Variants in SEPTIN7 observed in about 807,000 individuals in gnomAD.
SEPTIN7 encodes the protein septin 7, also known as septin-7.
Under a neutral mutation model 63.3 loss-of-function variants are expected in SEPTIN7, and 10 were observed. The ratio of observed to expected loss-of-function variants is 0.16; its 90% CI spans 0.10 to 0.27. The LOEUF (loss-of-function observed/expected upper bound fraction) is 0.27. Among genes scored for constraint, SEPTIN7 ranks in the 10% least tolerant of loss-of-function variants. The probability of loss-of-function intolerance (pLI) is 1.00; values close to 1 mark genes in which losing one functional copy is unlikely to be tolerated. For synonymous variants in SEPTIN7, 131 were observed against 165.3 expected, an observed-to-expected ratio of 0.79 and a Z score of 1.59; for missense variants, 310 against 521.0, an observed-to-expected ratio of 0.59 and a Z score of 3.94.
intron 1 of SEPTIN7, among the ~76,000 whole-genome samples, chr7:35,814,941 C>CTCCA (rs1788954637): frequency 7.2e-6 from 1 of 138,560 alleles, no homozygotes; most frequent in Admixed American, 7.6e-5. Flanking sequence ...CGCCACTGCA[C>CTCCA]TCCAGCCTAG....
chr7:35,872,023 C>G (rs1583597158), intron 4 of SEPTIN7, among the ~76,000 whole-genome samples: 1 of 152,142 alleles, frequency 6.6e-6, no homozygotes, highest in Non-Finnish European at 1.5e-5. Flanking sequence ...TACCAGAATA[C>G]ACTTTTTTTT....
chr7:35,837,072 A>G (rs1784119196), intron 3 of SEPTIN7, among the ~76,000 whole-genome samples: 1 of 152,220 alleles, frequency 6.6e-6, no homozygotes, highest in Non-Finnish European at 1.5e-5. Flanking sequence ...ATAATTCCAC[A>G]TGTCCACTAT....
At chr7:35,813,753 C>G (rs1788881943) in intron 1 of SEPTIN7, among the ~76,000 whole-genome samples, 1 of 152,150 alleles carries the variant, frequency 6.6e-6, no homozygotes, top group Non-Finnish European at 1.5e-5. Flanking sequence ...AGGCCCATAT[C>G]AAAACTACCC....
intron 9 of SEPTIN7, among the ~76,000 whole-genome samples, chr7:35,884,388 T>G (rs1181756101): frequency 6.6e-6 from 1 of 152,160 alleles, no homozygotes; most frequent in Admixed American, 6.5e-5. Context: ...ATTCCAAAAT[T>G]CCAAAAAAAT....
intron 1 of SEPTIN7, among the ~76,000 whole-genome samples, chr7:35,824,483 A>G (rs185122468): frequency 6.6e-6 from 1 of 152,274 alleles, no homozygotes; most frequent in Admixed American, 6.5e-5. Flanking sequence ...TAAGATATTC[A>G]TTATCTGTCT....
intron 12 of SEPTIN7, chr7:35,901,802 T>C (rs1652426384): frequency 6.6e-6 from 1 of 152,142 alleles, no homozygotes; most frequent in South Asian, 2.1e-4. Flanking sequence ...TGTGACTCTT[T>C]TCATTTAAAA....
chr7:35,840,684 A>G (rs1328313822), intron 3 of SEPTIN7, among the ~76,000 whole-genome samples: 2 of 152,150 alleles, frequency 1.3e-5, no homozygotes, highest in African/African-American at 2.4e-5. Context: ...TTTGAAGGTT[A>G]GGCTATTCAT....
At chr7:35,890,607 T>C (rs1378084247) in intron 10 of SEPTIN7, 61 bp from the exon 11 acceptor site, 4 of 1,332,052 alleles carry the variant, frequency 3.0e-6, no homozygotes, top group South Asian at 4.8e-5. Context: ...ATTAAAACTT[T>C]TTAAGCTTTT....
chr7:35,838,833 T>G (rs1372366005), intron 3 of SEPTIN7, among the ~76,000 whole-genome samples: 1 of 152,188 alleles, frequency 6.6e-6, no homozygotes, highest in Admixed American at 6.5e-5. Context: ...TTGATCTAAG[T>G]TGTGAGGCAG....
At chr7:35,915,258 C>CATAT in the SEPTIN7 span, among the ~76,000 whole-genome samples, 843 of 151,442 alleles carry the variant, frequency 5.6e-3, 7 homozygotes, top group African/African-American at 0.02. Context: ...CGCTCATACA[C>CATAT]ATATATATAT....
the SEPTIN7 span, among the ~76,000 whole-genome samples, chr7:35,912,869 C>T: frequency 2.2e-4 from 33 of 152,334 alleles, no homozygotes; most frequent in Admixed American, 5.2e-4. Context: ...AATTGCTACA[C>T]GCCAAACACT....
chr7:35,911,762 C>G (rs1203629413), downstream of SEPTIN7, among the ~76,000 whole-genome samples: 1 of 152,150 alleles, frequency 6.6e-6, no homozygotes, highest in African/African-American at 2.4e-5. Context: ...ATTAATAGCT[C>G]TTAGTAAGAT....
intron 3 of SEPTIN7, among the ~76,000 whole-genome samples, chr7:35,852,133 T>G (rs1583564752): frequency 6.6e-6 from 1 of 152,298 alleles, no homozygotes; most frequent in Non-Finnish European, 1.5e-5. Context: ...TTACTGATAT[T>G]CAGGTGTCCA....
chr7:35,821,194 A>G (rs765594678), intron 1 of SEPTIN7, among the ~76,000 whole-genome samples: 1 of 152,224 alleles, frequency 6.6e-6, no homozygotes, highest in Non-Finnish European at 1.5e-5. Flanking sequence ...GTTTTTACCA[A>G]GGCTCAGCCC....
intron 1 of SEPTIN7, among the ~76,000 whole-genome samples, chr7:35,819,738 T>G (rs1184885258): frequency 6.6e-6 from 1 of 152,210 alleles, no homozygotes; most frequent in Non-Finnish European, 1.5e-5. Flanking sequence ...CTGATATTAG[T>G]GTAGCTACTT....
Position 35,801,206 on chromosome 7 carries a change from G to A in SEPTIN7, c.-4G>A. ...CTGGGGCTGGTCGCGGAGGGGGGGA[G>A]GGGATGTCGGTCAGTGCGAGATCCG... On this transcript the variant is annotated 5_prime_UTR_variant, in exon 1 of 14. Transcript: ENST00000350320. 1 of 1,514,412 alleles carries A rather than the reference G, an allele frequency of 6.6e-7. No individual in the cohort carries two copies. Among genetic ancestry groups the A allele is most frequent in the South Asian group, 1.2e-5 (1 of 80,388 alleles). The allele number at this position is 1,514,412 out of a possible 1,614,324, so 93.8% of individuals were successfully genotyped here.
rs1353720553 is a variant in SEPTIN7 at position 35,904,231 on chromosome 7, C to A, written c.1275-23C>A. The A allele has an allele frequency of 3.3e-6, 5 of 1,519,512 alleles. No homozygotes were observed. In the African/African-American group the frequency reaches 4.2e-5, roughly 13 times the overall value. 94.1% of individuals were successfully genotyped at this position (1,519,512 alleles called of 1,614,324 possible). ...GTTTATAAAATGGTTACTCATCTTG[C>A]TTATTTTCCTTTTATCCTTTAGAAC... On this transcript the variant is annotated intron_variant, in intron 13 of 13. Coordinates refer to ENST00000350320, the MANE Select transcript of SEPTIN7 (RefSeq NM_001788.6).
intron 1 of SEPTIN7, among the ~76,000 whole-genome samples, chr7:35,817,116 C>T (rs1012242597): frequency 4.0e-5 from 6 of 151,750 alleles, no homozygotes; most frequent in African/African-American, 1.5e-4. Flanking sequence ...ATGTCATAGT[C>T]AAGAAAGCAT....
At chr7:35,900,557 T>A (rs1788260236) in intron 12 of SEPTIN7, 1 of 152,176 alleles carries the variant, frequency 6.6e-6, no homozygotes, top group African/African-American at 2.4e-5. Flanking sequence ...GTAATTCACA[T>A]ATAATCTGGA....
Sources: gnomAD v4.1 joint callset for allele counts (sites outside exome capture counted in the v4.1 genomes callset) on GRCh38, gnomAD v4.1.1 for gene constraint, MANE v1.5 for transcripts, NCBI Gene and HGNC (gene_info 2026-07-23, HGNC 2026-07-21) for gene names.